The following ABCA13 variants were observed in gnomAD, a reference collection of about 807,000 sequenced individuals.
ABCA13 encodes the protein ATP binding cassette subfamily A member 13.
Under a neutral mutation model 478.7 loss-of-function variants are expected in ABCA13, and 476 were observed. That is an observed-to-expected ratio of 0.99 (90% confidence interval 0.92 to 1.07). The LOEUF is 1.07. Ranked by LOEUF, ABCA13 falls within the 50% of genes least tolerant of loss-of-function variation. The pLI, the probability that ABCA13 is intolerant of heterozygous loss-of-function variation, is 0.00. For synonymous variants in ABCA13, 2,252 were observed against 2,158.9 expected (o/e 1.04, Z -1.20); for missense variants, 6,060 against 5,910.6 (o/e 1.03, Z -0.83).
At chr7:48,368,747 TTA>T (rs142919965) in intron 32 of ABCA13, among the ~76,000 whole-genome samples, 33,009 of 135,734 alleles carry the variant, frequency 0.24, 4,328 homozygotes, top group African/African-American at 0.36. Flanking sequence ...ATATATACAT[TTA>T]TATATATATA....
At chr7:48,341,652 A>C (rs1045957521) in intron 29 of ABCA13, among the ~76,000 whole-genome samples, 21 of 151,326 alleles carry the variant, frequency 1.4e-4, no homozygotes, top group Admixed American at 9.9e-4. Flanking sequence ...TCTTAAAAAA[A>C]CCCACCGTTT....
intron 31 of ABCA13, among the ~76,000 whole-genome samples, chr7:48,353,673 G>T (rs1335318461): frequency 2.0e-5 from 3 of 151,728 alleles, no homozygotes; most frequent in Non-Finnish European, 4.4e-5. Flanking sequence ...GTGATAGGCT[G>T]CATACATAAT....
chr7:48,353,305 G>GCTGGCCTGGCT (rs1489208347), intron 31 of ABCA13, among the ~76,000 whole-genome samples: 2 of 151,584 alleles, frequency 1.3e-5, no homozygotes, highest in African/African-American at 4.9e-5. Flanking sequence ...TGCTCCCACA[G>GCTGGCCTGGCT]CTGGCCTGGC....
chr7:48,311,829 C>T (rs978195314), intron 24 of ABCA13, among the ~76,000 whole-genome samples: 3 of 152,204 alleles, frequency 2.0e-5, no homozygotes, highest in African/African-American at 7.2e-5. Flanking sequence ...AGTCCATGTA[C>T]TTTCTGATTC....
At chr7:48,433,776 C>T (rs184614162) in intron 42 of ABCA13, among the ~76,000 whole-genome samples, 24 of 152,088 alleles carry the variant, frequency 1.6e-4, no homozygotes, top group Non-Finnish European at 1.8e-4. Context: ...ACAGTATTTG[C>T]CCTTTTGTGA....
intron 55 of ABCA13, among the ~76,000 whole-genome samples, chr7:48,578,204 C>T (rs1324920692): frequency 6.6e-6 from 1 of 152,088 alleles, no homozygotes; most frequent in African/African-American, 2.4e-5. Flanking sequence ...ACTCTGCCAG[C>T]AAGCAGTCCT....
At chr7:48,235,785 G>T (rs1789862969) in intron 8 of ABCA13, among the ~76,000 whole-genome samples, 1 of 152,138 alleles carries the variant, frequency 6.6e-6, no homozygotes, top group South Asian at 2.1e-4. Flanking sequence ...TATTGTGTAG[G>T]TATGTATGGG....
At chr7:48,293,666 A>G (rs1798905402) in intron 20 of ABCA13, among the ~76,000 whole-genome samples, 1 of 152,204 alleles carries the variant, frequency 6.6e-6, no homozygotes, top group East Asian at 1.9e-4. Context: ...GGGTTATTTT[A>G]AATATTATGT....
chr7:48,606,800 G>A (rs1405396658), intron 58 of ABCA13, among the ~76,000 whole-genome samples: 1 of 152,218 alleles, frequency 6.6e-6, no homozygotes, highest in African/African-American at 2.4e-5. Context: ...TAAGTCTGCT[G>A]AAGCTGCACC....
At chr7:48,587,093 C>A (rs1789259349) in intron 56 of ABCA13, 61 bp from the exon 57 acceptor site, 1 of 1,601,872 alleles carries the variant, frequency 6.2e-7, no homozygotes, top group African/African-American at 1.3e-5. Flanking sequence ...GGACTGAGAC[C>A]AGCTGTCTGG....
chr7:48,598,186 A>G (rs1294219838), intron 58 of ABCA13, among the ~76,000 whole-genome samples: 1 of 152,168 alleles, frequency 6.6e-6, no homozygotes, highest in East Asian at 1.9e-4. Context: ...ATATAGTTGG[A>G]ATCATATAGT....
intron 5 of ABCA13, among the ~76,000 whole-genome samples, chr7:48,222,373 T>C (rs1787496945): frequency 1.3e-5 from 2 of 152,264 alleles, no homozygotes; most frequent in African/African-American, 2.4e-5. Flanking sequence ...TAATCTCATA[T>C]GGTTGTGACA....
intron 55 of ABCA13, among the ~76,000 whole-genome samples, chr7:48,556,211 T>C (rs1785809310): frequency 6.6e-6 from 1 of 151,992 alleles, no homozygotes; most frequent in Admixed American, 6.6e-5. Flanking sequence ...AAGATTTGTT[T>C]TGTGATCTCA....
chr7:48,434,662 GAT>G (rs1439007621), intron 42 of ABCA13, among the ~76,000 whole-genome samples: 1 of 151,778 alleles, frequency 6.6e-6, no homozygotes, highest in African/African-American at 2.4e-5. Context: ...TAAGGTCTTT[GAT>G]TTATTTTGAG....
intron 1 of ABCA13, among the ~76,000 whole-genome samples, chr7:48,180,772 C>T (rs912677414): frequency 6.6e-6 from 1 of 152,094 alleles, no homozygotes; most frequent in Non-Finnish European, 1.5e-5. Flanking sequence ...TGTGGTGGCA[C>T]ATGCTTGTAG....
At chr7:48,331,316 C>G (rs898979823) in intron 27 of ABCA13, among the ~76,000 whole-genome samples, 1 of 152,156 alleles carries the variant, frequency 6.6e-6, no homozygotes, top group Non-Finnish European at 1.5e-5. Context: ...GGAAATAAGA[C>G]TTTAATCACA....
chr7:48,481,106 C>A lies in ABCA13; in HGVS notation c.13046C>A (p.Ser4349Ter), dbSNP rs762477935. 26 of 1,600,660 alleles carry A rather than the reference C, an allele frequency of 1.6e-5. No homozygotes were observed. Among genetic ancestry groups the A allele is most frequent in the Non-Finnish European group, 2.2e-5 (26 of 1,173,306 alleles). The change falls in exon 46 of 62, where the codon TCA becomes TAA. Residue 4349 changes from serine to a stop codon, truncating the protein, a stop_gained. Transcript: ENST00000435803. LOFTEE classifies it high-confidence loss of function. The part of the protein sequence containing the change: ...NHLGHTLLNL[S>*]GFNMEEYLLA... ...CTGGGCCACACACTGTTGAATCTCT[C>A]AGGCTTCAATATGGAGGAGTACTTG...
chr7:48,335,950 A>C (rs765031819), intron 28 of ABCA13, among the ~76,000 whole-genome samples: 2 of 152,250 alleles, frequency 1.3e-5, no homozygotes, highest in African/African-American at 2.4e-5. Context: ...ACAATCATTA[A>C]TATAAAACTT....
At chr7:48,342,040 A>G (rs1807318934) in intron 29 of ABCA13, among the ~76,000 whole-genome samples, 1 of 151,208 alleles carries the variant, frequency 6.6e-6, no homozygotes, top group Non-Finnish European at 1.5e-5. Flanking sequence ...TCATTCAGTT[A>G]AGCATATTTT....
Sources: gnomAD v4.1 joint callset for allele counts (sites outside exome capture counted in the v4.1 genomes callset) on GRCh38, gnomAD v4.1.1 for gene constraint, MANE v1.5 for transcripts, NCBI Gene and HGNC (gene_info 2026-07-23, HGNC 2026-07-21) for gene names.